The following GABRG3 variants were observed in gnomAD, a reference collection of about 807,000 sequenced individuals.
The protein encoded by GABRG3 is gamma-aminobutyric acid type A receptor subunit gamma3.
Under a neutral mutation model 48.8 loss-of-function variants are expected in GABRG3, and 25 were observed. The observed-to-expected ratio is 0.51, with a 90% CI of 0.37 to 0.72. The LOEUF (loss-of-function observed/expected upper bound fraction) is 0.72. Ranked by LOEUF, GABRG3 falls within the 30% of genes least tolerant of loss-of-function variation. GABRG3 has a pLI of 0.00. For synonymous variants in GABRG3, 227 were observed against 217.6 expected (o/e 1.04, Z -0.38); for missense variants, 394 against 577.9 (o/e 0.68, Z 3.26).
intron 6 of GABRG3, among the ~76,000 whole-genome samples, chr15:27,511,868 C>T (rs1418553785): frequency 2.0e-5 from 3 of 152,188 alleles, no homozygotes; most frequent in Non-Finnish European, 2.9e-5. Flanking sequence ...AATAGGGTCA[C>T]ATTTGGACAA....
intron 3 of GABRG3, among the ~76,000 whole-genome samples, chr15:27,220,998 T>TC (rs1555410579): frequency 4.6e-5 from 7 of 152,094 alleles, no homozygotes; most frequent in African/African-American, 1.4e-4. Context: ...CTTCTTTTTT[T>TC]TTTCTTTTTT....
intron 5 of GABRG3, among the ~76,000 whole-genome samples, chr15:27,402,674 G>T (rs952331519): frequency 6.6e-6 from 1 of 152,208 alleles, no homozygotes; most frequent in Non-Finnish European, 1.5e-5. Context: ...TACCCAGAAT[G>T]AAATGCAAAT....
At chr15:26,991,235 A>G (rs1374800671) in intron 2 of GABRG3, among the ~76,000 whole-genome samples, 1 of 152,142 alleles carries the variant, frequency 6.6e-6, no homozygotes. Flanking sequence ...CTGTAGGTGT[A>G]TGGATTTGTT....
At chr15:27,146,242 T>TAGG (rs1861259944) in intron 3 of GABRG3, among the ~76,000 whole-genome samples, 1 of 152,070 alleles carries the variant, frequency 6.6e-6, no homozygotes, top group Non-Finnish European at 1.5e-5. Context: ...ATCATCAGGT[T>TAGG]AGGAGATTGA....
rs140658072 is a variant in GABRG3 at position 27,167,655 on chromosome 15, A to C, written c.270+140834A>C. Among the ~76,000 whole-genome samples the C allele has an allele frequency of 3.3e-4, 50 of 152,290 alleles. No individual in the cohort carries two copies. In the East Asian group the frequency reaches 6.8e-3, roughly 21 times the overall value. On this transcript the variant is annotated intron_variant, in intron 3 of 9. Transcript: ENST00000615808. ...GAGTGTCCCAGAGGAAAGACAGCAG[A>C]GGAAACAGCTGCTCCTCCTCTGACG...
At chr15:27,200,694 G>T (rs535270430) in intron 3 of GABRG3, among the ~76,000 whole-genome samples, 1 of 152,080 alleles carries the variant, frequency 6.6e-6, no homozygotes, top group African/African-American at 2.4e-5. Context: ...TACCTACTAC[G>T]GCCAGGCAGT....
chr15:27,290,703 A>G (rs1418192718), intron 3 of GABRG3, among the ~76,000 whole-genome samples: 1 of 152,182 alleles, frequency 6.6e-6, no homozygotes, highest in Non-Finnish European at 1.5e-5. Flanking sequence ...AACTGTCACA[A>G]CCAAGAGGAG....
intron 3 of GABRG3, among the ~76,000 whole-genome samples, chr15:27,190,219 A>G (rs1044529132): frequency 1.3e-5 from 2 of 152,162 alleles, no homozygotes; most frequent in African/African-American, 4.8e-5. Context: ...GGGCTTTGGT[A>G]TCAGGATGAT....
intron 5 of GABRG3, among the ~76,000 whole-genome samples, chr15:27,429,078 G>A (rs528946035): frequency 1.8e-4 from 27 of 152,282 alleles, no homozygotes; most frequent in Non-Finnish European, 2.8e-4. Context: ...TAGAATGACA[G>A]ATCTCACTGA....
intron 3 of GABRG3, among the ~76,000 whole-genome samples, chr15:27,162,131 T>A (rs1026149921): frequency 3.3e-5 from 5 of 152,130 alleles, no homozygotes; most frequent in Non-Finnish European, 7.4e-5. Flanking sequence ...CCAAAATATC[T>A]GGGGATGCTT....
rs947709244 is a variant in GABRG3, at chr15:27,535,048, T to G, written c.*2167T>G. 1.3e-5 allele frequency: 2 copies of G among 152,226 alleles called. No individual in the cohort carries two copies. Among genetic ancestry groups the G allele is most frequent in the Admixed American group, 1.3e-4 (2 of 15,282 alleles). The allele number at this position is 152,226 out of a possible 1,614,324, so 9.4% of individuals were successfully genotyped here. A position where few individuals can be genotyped will look rare whatever the true frequency, so the allele number is the denominator to read the frequency against. ...TCTGGTACTCTAGTTCTGTCTCTCA[T>G]GCATAAGCAACCCCCGCCTTGGCAG... is the stretch of plus-strand genomic sequence containing the variant. On this transcript the variant is annotated 3_prime_UTR_variant, in exon 10 of 10. Transcript: ENST00000615808.
chr15:27,134,379 T>C (rs1897971227), intron 3 of GABRG3, among the ~76,000 whole-genome samples: 1 of 152,096 alleles, frequency 6.6e-6, no homozygotes, highest in African/African-American at 2.4e-5. Context: ...ACCTCCCCCA[T>C]CTCCAATTTT....
intron 3 of GABRG3, among the ~76,000 whole-genome samples, chr15:27,089,464 C>T (rs1566932303): frequency 2.0e-5 from 3 of 152,130 alleles, no homozygotes; most frequent in Admixed American, 6.5e-5. Context: ...ATGGTTCAGT[C>T]ACCTCCCCAG....
At chr15:27,073,617 G>C (rs1260915285) in intron 3 of GABRG3, among the ~76,000 whole-genome samples, 22 of 152,222 alleles carry the variant, frequency 1.4e-4, no homozygotes, top group Admixed American at 9.2e-4. Context: ...TTCTGCTTTT[G>C]CACAAATCCA....
At chr15:27,177,053 C>T (rs181841161) in intron 3 of GABRG3, among the ~76,000 whole-genome samples, 56 of 152,136 alleles carry the variant, frequency 3.7e-4, no homozygotes, top group African/African-American at 1.1e-3. Flanking sequence ...TCATTCTCCC[C>T]GAGAACTCAG....
At chr15:27,453,347 A>G (rs929126287) in intron 5 of GABRG3, among the ~76,000 whole-genome samples, 2 of 152,196 alleles carry the variant, frequency 1.3e-5, no homozygotes, top group Non-Finnish European at 2.9e-5. Flanking sequence ...AATTAGCTTA[A>G]TTATGGGAAT....
intron 9 of GABRG3, among the ~76,000 whole-genome samples, chr15:27,528,231 T>A (rs1891328510): frequency 6.6e-6 from 1 of 152,234 alleles, no homozygotes; most frequent in Non-Finnish European, 1.5e-5. Context: ...CATATATAGT[T>A]CTGACTCTTT....
At chr15:27,374,205 C>T (rs1895515358) in intron 5 of GABRG3, among the ~76,000 whole-genome samples, 1 of 133,350 alleles carries the variant, frequency 7.5e-6, no homozygotes, top group Non-Finnish European at 1.5e-5. Flanking sequence ...GAACATGGCT[C>T]ATTGCAGCCT....
At position 27,505,460 on chromosome 15, in the gene GABRG3, G is replaced by A. The variant is rs1453285265; in HGVS notation, c.713-14512G>A. Among the ~76,000 whole-genome samples, 3 of 152,106 alleles carry A rather than the reference G, an allele frequency of 2.0e-5. No homozygotes were observed. In the South Asian group the frequency reaches 6.2e-4, roughly 31 times the overall value. On this transcript the variant is annotated intron_variant, in intron 6 of 9. Coordinates refer to ENST00000615808, the MANE Select transcript of GABRG3 (RefSeq NM_033223.5). ...GTATTTCTGTAGATGTTCTTTATTG[G>A]TTAATGATGTTCCTTTCTATTCCCA...
Sources: gnomAD v4.1 joint callset for allele counts (sites outside exome capture counted in the v4.1 genomes callset) on GRCh38, gnomAD v4.1.1 for gene constraint, MANE v1.5 for transcripts, NCBI Gene and HGNC (gene_info 2026-07-23, HGNC 2026-07-21) for gene names.